Variants in RAI14 observed in about 807,000 individuals in gnomAD.
RAI14 encodes the protein retinoic acid induced 14.
In RAI14, 45 loss-of-function variants were observed where a neutral mutation model predicts 115.4. The ratio of observed to expected loss-of-function variants is 0.39; its 90% CI spans 0.31 to 0.50. The LOEUF is 0.50. RAI14 is among the 20% of genes least tolerant of loss of function. The pLI, the probability that RAI14 is intolerant of heterozygous loss-of-function variation, is 0.85. For missense variants in RAI14, 939 were observed against 1,131.2 expected (o/e 0.83, Z 2.44); for synonymous variants, 371 against 415.4 (o/e 0.89, Z 1.30).
chr5:34,747,987 G>A lies in RAI14; in HGVS notation c.37-9481G>A, dbSNP rs139018107. 4.3e-4 allele frequency among the ~76,000 whole-genome samples: 66 copies of A among 152,334 alleles called. No individual in the cohort carries two copies. In the East Asian group the frequency reaches 0.013, roughly 29 times the overall value. On this transcript the variant is annotated intron_variant, in intron 2 of 17. Transcript: ENST00000265109. ...AAGGCCTATGGAAGAGAGCATGGGG[G>A]ACCCCAGCAAAGAGAACTAACCTGG...
In RAI14 at chr5:34,726,681, G is replaced by T. The variant is rs114082894; in HGVS notation, c.37-30787G>T. Among the ~76,000 whole-genome samples, 3 of 152,240 alleles carry T rather than the reference G, an allele frequency of 2.0e-5. No individual in the cohort carries two copies. The South Asian group carries it at 6.2e-4, about 32-fold the overall frequency. ...TGAATCATAAGGGCAGATTTTTCCC[G>T]TGCTGTTCTCAGGATAGTGAATAAG... is the stretch of plus-strand genomic sequence containing the variant. On this transcript the variant is annotated intron_variant, in intron 2 of 17. Transcript: ENST00000265109.
intron 3 of RAI14, among the ~76,000 whole-genome samples, chr5:34,760,924 A>G (rs1456175906): frequency 1.3e-5 from 2 of 152,152 alleles, no homozygotes; most frequent in African/African-American, 4.8e-5. Flanking sequence ...TCTGGCAACC[A>G]TGAATCTGGG....
intron 2 of RAI14, among the ~76,000 whole-genome samples, chr5:34,737,266 G>T (rs1413146514): frequency 3.3e-5 from 5 of 152,168 alleles, no homozygotes; most frequent in African/African-American, 9.7e-5. Context: ...TGTAGTGCAG[G>T]ATGTGCTGAG....
intron 1 of RAI14, among the ~76,000 whole-genome samples, chr5:34,670,447 C>T (rs1743534504): frequency 6.6e-6 from 1 of 152,138 alleles, no homozygotes; most frequent in Admixed American, 6.5e-5. Flanking sequence ...AATGAGATGA[C>T]ATTCATTTAT....
intron 2 of RAI14, among the ~76,000 whole-genome samples, chr5:34,736,065 C>T (rs1580077642): frequency 6.6e-6 from 1 of 152,318 alleles, no homozygotes; most frequent in Middle Eastern, 3.4e-3. Context: ...TGGTTTTCAA[C>T]CTTTTGGTAG....
intron 1 of RAI14, among the ~76,000 whole-genome samples, chr5:34,680,841 T>C (rs1744332443): frequency 1.3e-5 from 2 of 152,222 alleles, no homozygotes; most frequent in South Asian, 4.1e-4. Flanking sequence ...AGATGATTTT[T>C]TAATTATTCT....
intron 1 of RAI14, among the ~76,000 whole-genome samples, chr5:34,674,275 A>G (rs960853088): frequency 6.6e-6 from 1 of 152,210 alleles, no homozygotes; most frequent in Admixed American, 6.5e-5. Context: ...TTATTCTGAA[A>G]AGTATTAAGA....
intron 2 of RAI14, among the ~76,000 whole-genome samples, chr5:34,738,359 C>T (rs952540575): frequency 1.3e-5 from 2 of 152,218 alleles, no homozygotes; most frequent in African/African-American, 4.8e-5. Context: ...GCTATTTCTA[C>T]ACTTTGCTAA....
chr5:34,688,379 T>A (rs754254413), intron 2 of RAI14: 6 of 907,348 alleles, frequency 6.6e-6, no homozygotes, highest in Non-Finnish European at 9.9e-6. Flanking sequence ...AAGATTATTT[T>A]TAGCAAAATT....
At chr5:34,792,703 G>C (rs1753072949) in intron 3 of RAI14, among the ~76,000 whole-genome samples, 1 of 152,162 alleles carries the variant, frequency 6.6e-6, no homozygotes, top group South Asian at 2.1e-4. Context: ...GGTTTTACTA[G>C]CAAAAAATAT....
chr5:34,808,254 CA>C (rs1221973624), intron 6 of RAI14, among the ~76,000 whole-genome samples: 8 of 152,296 alleles, frequency 5.3e-5, no homozygotes, highest in Non-Finnish European at 4.4e-5. Context: ...CTTGAAGTGA[CA>C]AACGTTGACA....
intron 1 of RAI14, among the ~76,000 whole-genome samples, chr5:34,681,512 C>T (rs958704065): frequency 1.4e-4 from 21 of 151,744 alleles, no homozygotes; most frequent in African/African-American, 4.8e-4. Context: ...TTATTTTTTT[C>T]GAGATAGAGT....
chr5:34,774,155 C>T (rs1276086973), intron 3 of RAI14, among the ~76,000 whole-genome samples: 3 of 151,516 alleles, frequency 2.0e-5, no homozygotes, highest in Admixed American at 6.6e-5. Context: ...GAGTTTGAGA[C>T]CAGCCTGGCC....
rs1253049588 is a variant in RAI14, at chr5:34,831,976, A to G, written c.*1211A>G. The G allele has an allele frequency of 6.6e-6, 1 of 152,222 alleles. No homozygotes were observed. The highest frequency in any genetic ancestry group is 1.5e-5 in the Non-Finnish European group (1 of 68,046). The allele number at this position is 152,222 out of a possible 1,614,324, so 9.4% of individuals were successfully genotyped here. On this transcript the variant is annotated 3_prime_UTR_variant, in exon 18 of 18. Transcript: ENST00000265109. ...AATCTGTTTTTCAACTTTGAAGCTA[A>G]AAACCCTGATATGGTAATATTATGG...
chr5:34,811,676 C>A, intron 8 of RAI14, 91 bp from the exon 9 acceptor site: 1 of 1,201,480 alleles, frequency 8.3e-7, no homozygotes, highest in Non-Finnish European at 1.2e-6. Flanking sequence ...TGCACTTAAT[C>A]TTCTTTTCTC....
At chr5:34,664,206 T>G (rs1451716539) in intron 1 of RAI14, among the ~76,000 whole-genome samples, 1 of 151,884 alleles carries the variant, frequency 6.6e-6, no homozygotes, top group Non-Finnish European at 1.5e-5. Context: ...AATTGACATT[T>G]AGGCCAGGCA....
chr5:34,691,614 G>T (rs1239744073), intron 2 of RAI14, among the ~76,000 whole-genome samples: 1 of 152,200 alleles, frequency 6.6e-6, no homozygotes, highest in African/African-American at 2.4e-5. Context: ...ATGGGTGGAG[G>T]TTGAGGGATG....
intron 15 of RAI14, among the ~76,000 whole-genome samples, chr5:34,825,457 T>C (rs1044507097): frequency 2.6e-5 from 4 of 152,180 alleles, no homozygotes; most frequent in Admixed American, 1.3e-4. Context: ...TTTTTTGGAT[T>C]CAGAACAGAT....
intron 2 of RAI14, among the ~76,000 whole-genome samples, chr5:34,723,150 G>A (rs894911467): frequency 6.6e-6 from 1 of 150,538 alleles, no homozygotes; most frequent in Non-Finnish European, 1.5e-5. Flanking sequence ...GATCCACTGT[G>A]GAGTGATGGT....
Sources: allele counts gnomAD v4.1 joint callset (sites outside exome capture counted in the v4.1 genomes callset), GRCh38; gene constraint gnomAD v4.1.1; transcripts MANE v1.5; gene names NCBI Gene and HGNC (gene_info 2026-07-23, HGNC 2026-07-21).